Variants in IQCH observed in about 807,000 individuals in gnomAD.
IQCH encodes IQ domain-containing protein H.
IQCH carries 98 observed loss-of-function variants against 117.0 expected under a neutral mutation model. The ratio of observed to expected loss-of-function variants is 0.84; its 90% confidence interval spans 0.71 to 0.99. The LOEUF (loss-of-function observed/expected upper bound fraction) is 0.99, where lower values mean the gene tolerates loss of function less well. Ranked by LOEUF, IQCH falls within the 50% of genes least tolerant of loss-of-function variation. The pLI is 0.00. For synonymous variants in IQCH, 412 were observed against 448.2 expected (o/e 0.92, Z 1.02); for missense variants, 1,102 against 1,243.8 (o/e 0.89, Z 1.72).
intron 4 of IQCH, among the ~76,000 whole-genome samples, chr15:67,302,410 A>G (rs964023975): frequency 6.6e-6 from 1 of 152,160 alleles, no homozygotes; most frequent in African/African-American, 2.4e-5. Context: ...TGTTACCCAC[A>G]GAAGAAAAGC....
chr15:67,330,308 C>G (rs763875612), intron 4 of IQCH, among the ~76,000 whole-genome samples: 1 of 152,186 alleles, frequency 6.6e-6, no homozygotes, highest in Non-Finnish European at 1.5e-5. Context: ...ATAAAAATTA[C>G]TTGCCCTGTG....
intron 14 of IQCH, among the ~76,000 whole-genome samples, chr15:67,415,523 G>A (rs1254719156): frequency 6.6e-6 from 1 of 152,144 alleles, no homozygotes; most frequent in Non-Finnish European, 1.5e-5. Context: ...TGAACCCGCT[G>A]AGGGCATAGT....
Position 67,342,608 on chromosome 15 carries a change from G to T in IQCH, c.509-1455G>T, listed in dbSNP as rs925693861. Among the ~76,000 whole-genome samples, 1 of 152,032 alleles carries T rather than the reference G, an allele frequency of 6.6e-6. No homozygotes were observed. Among genetic ancestry groups the T allele is most frequent in the Non-Finnish European group, 1.5e-5 (1 of 67,996 alleles). On this transcript the variant is annotated intron_variant, in intron 5 of 20. Transcript: ENST00000335894. The surrounding 1 kb of genome is among the most constrained non-coding windows in gnomAD (Gnocchi z 4.7). ...AACAGAGTTCTTGGAAATGAAATTTGATATTTATAGGTGGAAAATATTTGT... is the reference window on the plus strand; with the variant it reads ...AACAGAGTTCTTGGAAATGAAATTTTATATTTATAGGTGGAAAATATTTGT...
intron 10 of IQCH, 43 bp downstream of exon 10, chr15:67,373,476 C>A (rs976080329): frequency 1.6e-6 from 2 of 1,248,882 alleles, no homozygotes; most frequent in Non-Finnish European, 2.4e-6. Context: ...ACCTCTATTA[C>A]CCACCACATT....
chr15:67,373,677 C>A, intron 10 of IQCH: 2 of 597,854 alleles, frequency 3.3e-6, no homozygotes, highest in South Asian at 2.0e-5. Context: ...TGCTGTAATT[C>A]GCTTTCATCT....
intron 16 of IQCH, among the ~76,000 whole-genome samples, chr15:67,441,021 C>CAGAT (rs2082255115): frequency 6.8e-6 from 1 of 146,872 alleles, no homozygotes; most frequent in South Asian, 2.2e-4. Flanking sequence ...GCAAAGTTTC[C>CAGAT]AGATACAAGA....
rs984489425 is a variant in IQCH at position 67,438,152 on chromosome 15, G to A, written c.2505+16575G>A. Among the ~76,000 whole-genome samples, 4 of 152,246 alleles carry A rather than the reference G, an allele frequency of 2.6e-5. No homozygotes were observed. In the East Asian group the frequency reaches 7.7e-4, roughly 29 times the overall value. ...AATCTTTAAGAGCTGTGAGAGAGAA[G>A]CACCAGGTAACCTATAAAGGAAAAC... On this transcript the variant is annotated intron_variant, in intron 16 of 20. Coordinates refer to ENST00000335894, the MANE Select transcript of IQCH (RefSeq NM_001031715.3).
intron 5 of IQCH, among the ~76,000 whole-genome samples, chr15:67,340,741 C>G (rs1304566601): frequency 1.3e-5 from 2 of 152,134 alleles, no homozygotes; most frequent in Non-Finnish European, 2.9e-5. Context: ...TTATTTATCT[C>G]TACAAGCCAA....
Position 67,474,181 on chromosome 15 carries a change from C to A in IQCH, c.2677-1515C>A, listed in dbSNP as rs753381421. Among the ~76,000 whole-genome samples the A allele has an allele frequency of 6.6e-6, 1 of 151,802 alleles. No individual in the cohort carries two copies. The highest frequency in any genetic ancestry group is 2.4e-5 in the African/African-American group (1 of 41,284). On this transcript the variant is annotated intron_variant, in intron 17 of 20. Transcript: ENST00000335894. This position sits in a 1 kb window ranked among gnomAD's most constrained non-coding sequence, Gnocchi z 4.1. ...CACTCAGTCAGCCCCAGTTCCCTTGCGTTATCTCAGAGACAGGAGGCGAGC... is the reference window on the plus strand; with the variant it reads ...CACTCAGTCAGCCCCAGTTCCCTTGAGTTATCTCAGAGACAGGAGGCGAGC...
chr15:67,472,820 T>C lies in IQCH; in HGVS notation c.2677-2876T>C, dbSNP rs2083104246. On this transcript the variant is annotated intron_variant, in intron 17 of 20. Coordinates refer to ENST00000335894, the MANE Select transcript of IQCH (RefSeq NM_001031715.3). This position sits in a 1 kb window ranked among gnomAD's most constrained non-coding sequence, Gnocchi z 4.3. The stretch of plus-strand genomic sequence containing the variant: ...TTATGGAAAAGAAGGTTGGGAGACA[T>C]GTACCAAATATCCTGGCTCTTCCTT... 6.6e-6 allele frequency among the ~76,000 whole-genome samples: 1 copy of C among 152,184 alleles called. No individual in the cohort carries two copies. Among genetic ancestry groups the C allele is most frequent in the Non-Finnish European group, 1.5e-5 (1 of 68,040 alleles).
intron 4 of IQCH, among the ~76,000 whole-genome samples, chr15:67,300,837 A>G (rs1966989677): frequency 6.6e-6 from 1 of 152,210 alleles, no homozygotes; most frequent in Middle Eastern, 3.2e-3. Context: ...CCCTAGTTTT[A>G]ATAGCATAAG....
At chr15:67,271,528 G>A (rs1045172362) in intron 3 of IQCH, among the ~76,000 whole-genome samples, 1 of 152,154 alleles carries the variant, frequency 6.6e-6, no homozygotes, top group Non-Finnish European at 1.5e-5. Flanking sequence ...GAAATTAGCA[G>A]TGAAGCCATC....
At chr15:67,372,952 G>A (rs1157269922) in intron 9 of IQCH, among the ~76,000 whole-genome samples, 2 of 151,536 alleles carry the variant, frequency 1.3e-5, no homozygotes, top group African/African-American at 4.8e-5. Context: ...AGTTCTGTCA[G>A]AAAATCAATG....
rs887378951 is a variant in IQCH at position 67,481,370 on chromosome 15, G to C, written c.2799+5552G>C. Among the ~76,000 whole-genome samples the C allele has an allele frequency of 6.6e-6, 1 of 152,116 alleles. No homozygotes were observed. Among genetic ancestry groups the C allele is most frequent in the Admixed American group, 6.6e-5 (1 of 15,264 alleles). ...CAAAATGGCAGGAGAGAGAAGTGCC[G>C]AGCAAAGGGGGAACATCCCCTTATA... On this transcript the variant is annotated intron_variant, in intron 18 of 20. Coordinates refer to ENST00000335894, the MANE Select transcript of IQCH (RefSeq NM_001031715.3). The surrounding 1 kb of genome is among the most constrained non-coding windows in gnomAD (Gnocchi z 4.1).
chr15:67,281,974 C>G (rs752337462), intron 4 of IQCH: 49 of 348,912 alleles, frequency 1.4e-4, no homozygotes, highest in Non-Finnish European at 2.3e-4. Context: ...GTCAGCCACT[C>G]TCTGAGGAGT....
At position 67,417,007 on chromosome 15, in the gene IQCH, G is replaced by A. The variant is rs773103255; in HGVS notation, c.2174G>A (p.Arg725Gln). 1.5e-5 allele frequency: 24 copies of A among 1,610,720 alleles called. No homozygotes were observed. The Admixed American group carries it at 1.5e-4, about 10-fold the overall frequency. ...AQHAQPVNEK[R>Q]FPTWRKFLQT... ...CACGCACAGCCAGTCAATGAGAAAC[G>A]GTTCCCGACGTGGAGGAAATTCCTC... Residue 725 changes from arginine to glutamine, a missense_variant, in exon 15 of 21, where the codon CGG becomes CAG. By Grantham distance (43) the Arg-to-Gln change is conservative (BLOSUM62 1). Transcript: ENST00000335894. The surrounding 1 kb of genome is among the most constrained non-coding windows in gnomAD (Gnocchi z 4.3).
At chr15:67,293,526 A>G (rs1186839567) in intron 4 of IQCH, among the ~76,000 whole-genome samples, 1 of 152,216 alleles carries the variant, frequency 6.6e-6, no homozygotes, top group Non-Finnish European at 1.5e-5. Context: ...AATAGTTTTT[A>G]TACTGCATTG....
intron 4 of IQCH, among the ~76,000 whole-genome samples, chr15:67,282,858 G>A (rs1596094913): frequency 6.6e-6 from 1 of 152,062 alleles, no homozygotes; most frequent in East Asian, 1.9e-4. Flanking sequence ...GTTAGGAGTT[G>A]CTCAATTGTA....
chr15:67,448,132 G>T (rs1473277852), intron 16 of IQCH, among the ~76,000 whole-genome samples: 3 of 148,880 alleles, frequency 2.0e-5, no homozygotes, highest in Admixed American at 6.8e-5. Flanking sequence ...CATATACATT[G>T]TACAGGTATC....
Sources: allele counts gnomAD v4.1 joint callset (sites outside exome capture counted in the v4.1 genomes callset), GRCh38; gene constraint gnomAD v4.1.1; non-coding constraint Gnocchi (gnomAD v3.1); transcripts MANE v1.5; gene names NCBI Gene and HGNC (gene_info 2026-07-23, HGNC 2026-07-21).